Variants in GPC5 observed in about 807,000 individuals in gnomAD.
GPC5 encodes the protein glypican-5.
In GPC5, 47 loss-of-function variants were observed where a neutral mutation model predicts 53.9. That is an observed-to-expected ratio of 0.87 (90% CI 0.69 to 1.11). The LOEUF is 1.11. GPC5 is among the 50% of genes most tolerant of loss of function. The pLI, the probability that GPC5 is intolerant of heterozygous loss-of-function variation, is 0.00. For synonymous variants in GPC5, 286 were observed against 263.3 expected, an observed-to-expected ratio of 1.09 and a Z score of -0.84; for missense variants, 748 against 713.1, an observed-to-expected ratio of 1.05 and a Z score of -0.56.
At chr13:92,394,644 A>G (rs1403627237) in intron 7 of GPC5, among the ~76,000 whole-genome samples, 1 of 152,216 alleles carries the variant, frequency 6.6e-6, no homozygotes, top group Non-Finnish European at 1.5e-5. Context: ...AGCACAAACT[A>G]AGATACATAA....
At chr13:91,829,084 A>G (rs536368504) in intron 5 of GPC5, among the ~76,000 whole-genome samples, 1 of 152,142 alleles carries the variant, frequency 6.6e-6, no homozygotes, top group South Asian at 2.1e-4. Flanking sequence ...CAAATTATTA[A>G]AGTTATTATC....
chr13:92,622,280 A>G (rs1448250781), intron 7 of GPC5, among the ~76,000 whole-genome samples: 2 of 152,208 alleles, frequency 1.3e-5, no homozygotes, highest in Non-Finnish European at 2.9e-5. Context: ...CTACATCGCC[A>G]CAGGTCTGGG....
intron 2 of GPC5, among the ~76,000 whole-genome samples, chr13:91,618,653 TA>T (rs201886185): frequency 1.4e-3 from 114 of 78,920 alleles, no homozygotes; most frequent in African/African-American, 3.1e-3. Context: ...TAATAACACA[TA>T]TTTTTTTTTT....
chr13:92,145,645 C>T (rs2041861817), intron 7 of GPC5, among the ~76,000 whole-genome samples: 1 of 152,092 alleles, frequency 6.6e-6, no homozygotes, highest in African/African-American at 2.4e-5. Flanking sequence ...TATAGGTTCT[C>T]CACACTCCAT....
intron 2 of GPC5, among the ~76,000 whole-genome samples, chr13:91,648,163 G>A (rs1315285447): frequency 6.6e-6 from 1 of 152,134 alleles, no homozygotes; most frequent in African/African-American, 2.4e-5. Flanking sequence ...GTGCTATCCT[G>A]ATTCCAGGAT....
chr13:91,514,030 C>T (rs79495446), intron 2 of GPC5, among the ~76,000 whole-genome samples: 208 of 152,240 alleles, frequency 1.4e-3, no homozygotes, highest in African/African-American at 4.6e-3. Flanking sequence ...CATCACTTTT[C>T]GTTTAACCAT....
chr13:91,886,129 G>T lies in GPC5; in HGVS notation c.1281-21808G>T, dbSNP rs1199153990. Among the ~76,000 whole-genome samples the T allele has an allele frequency of 2.6e-5, 4 of 152,148 alleles. No individual in the cohort carries two copies. The South Asian group carries it at 6.2e-4, about 24-fold the overall frequency. On this transcript the variant is annotated intron_variant, in intron 5 of 7. Coordinates refer to ENST00000377067, the MANE Select transcript of GPC5 (RefSeq NM_004466.6). ...GAAAAAAAGGTTTAATGGACTCCTA[G>T]TTCCACATGGCTGGGGAGGCCTCAA...
At chr13:92,289,601 C>G (rs183679377) in intron 7 of GPC5, among the ~76,000 whole-genome samples, 31 of 151,858 alleles carry the variant, frequency 2.0e-4, no homozygotes, top group African/African-American at 7.2e-4. Context: ...TTAATAATAA[C>G]TATGTATCAG....
intron 6 of GPC5, among the ~76,000 whole-genome samples, chr13:91,970,296 G>C (rs115044016): frequency 0.016 from 2,373 of 152,212 alleles, 60 homozygotes; most frequent in African/African-American, 0.054. Flanking sequence ...GGGGAATGGG[G>C]AATGGGGAGA....
At chr13:92,416,284 A>G (rs1876286870) in intron 7 of GPC5, among the ~76,000 whole-genome samples, 2 of 152,172 alleles carry the variant, frequency 1.3e-5, no homozygotes, top group Admixed American at 6.5e-5. Context: ...TCACCCGACA[A>G]TGTTTGAAGA....
chr13:92,086,026 T>TCCATTCCAA (rs2138888086), intron 6 of GPC5, among the ~76,000 whole-genome samples: 1 of 152,318 alleles, frequency 6.6e-6, no homozygotes, highest in South Asian at 2.1e-4. Context: ...AGTGAATTAT[T>TCCATTCCAA]CCATTCCAAC....
At chr13:92,517,665 C>G (rs893241639) in intron 7 of GPC5, among the ~76,000 whole-genome samples, 1 of 152,136 alleles carries the variant, frequency 6.6e-6, no homozygotes, top group African/African-American at 2.4e-5. Flanking sequence ...ACATCCACAC[C>G]AAAACCCCAT....
intron 5 of GPC5, among the ~76,000 whole-genome samples, chr13:91,838,572 C>T (rs1183965977): frequency 1.3e-5 from 2 of 151,666 alleles, no homozygotes; most frequent in African/African-American, 4.8e-5. Flanking sequence ...CCAGGGTGCA[C>T]AGAAGTAGAC....
intron 2 of GPC5, among the ~76,000 whole-genome samples, chr13:91,611,153 G>A (rs921365442): frequency 1.7e-4 from 26 of 152,188 alleles, no homozygotes; most frequent in Admixed American, 5.9e-4. Flanking sequence ...ATGACATTGA[G>A]TTTTAAATGA....
chr13:92,267,503 T>C (rs1479342141), intron 7 of GPC5, among the ~76,000 whole-genome samples: 2 of 152,150 alleles, frequency 1.3e-5, no homozygotes, highest in Admixed American at 1.3e-4. Context: ...TTTCATTGGC[T>C]GATCTTTCTC....
intron 7 of GPC5, among the ~76,000 whole-genome samples, chr13:92,602,161 T>C (rs1362535378): frequency 6.9e-6 from 1 of 145,496 alleles, no homozygotes; most frequent in Non-Finnish European, 1.5e-5. Flanking sequence ...ATACACACTA[T>C]ATACAAATAC....
intron 7 of GPC5, among the ~76,000 whole-genome samples, chr13:92,542,680 A>C (rs1247479823): frequency 6.6e-6 from 1 of 152,020 alleles, no homozygotes; most frequent in East Asian, 1.9e-4. Flanking sequence ...ACCTACTTGT[A>C]ATTAATAATC....
At chr13:91,428,847 T>C (rs1332289862) in intron 1 of GPC5, among the ~76,000 whole-genome samples, 1 of 152,148 alleles carries the variant, frequency 6.6e-6, no homozygotes, top group Non-Finnish European at 1.5e-5. Context: ...TCAAGTTTGT[T>C]TTAGGAAAAA....
At chr13:91,432,578 T>C (rs56326436) in intron 1 of GPC5, among the ~76,000 whole-genome samples, 5,437 of 152,260 alleles carry the variant, frequency 0.036, 140 homozygotes, top group Middle Eastern at 0.068. Flanking sequence ...CTTATTTGTC[T>C]GAATTTGTCG....
Sources: allele counts gnomAD v4.1 joint callset (sites outside exome capture counted in the v4.1 genomes callset), GRCh38; gene constraint gnomAD v4.1.1; transcripts MANE v1.5; gene names NCBI Gene and HGNC (gene_info 2026-07-23, HGNC 2026-07-21).